The following MFSD6 variants were observed in gnomAD, a reference collection of about 807,000 sequenced individuals.
MFSD6 encodes the protein major facilitator superfamily domain containing 6, also known as major facilitator superfamily domain-containing protein 6.
Under a neutral mutation model 56.3 loss-of-function variants are expected in MFSD6, and 26 were observed. The observed-to-expected ratio is 0.46, with a 90% CI of 0.34 to 0.64. MFSD6 has a LOEUF of 0.64. Ranked by LOEUF, MFSD6 falls within the 30% of genes least tolerant of loss-of-function variation. The pLI is 0.01. For synonymous variants in MFSD6, 331 were observed against 366.9 expected, an observed-to-expected ratio of 0.90 and a Z score of 1.12; for missense variants, 750 against 986.2, an observed-to-expected ratio of 0.76 and a Z score of 3.21.
chr2:190,432,981 A>G (rs1686059066), intron 2 of MFSD6, among the ~76,000 whole-genome samples: 1 of 152,178 alleles, frequency 6.6e-6, no homozygotes, highest in South Asian at 2.1e-4. Context: ...TTTCCCTATA[A>G]TCAACCAAGG....
Position 190,454,932 on chromosome 2 carries a change from GTATGTATATGTA to G in MFSD6, c.1533-14769_1533-14758del, listed in dbSNP as rs56676240. Among the ~76,000 whole-genome samples, 18,655 of 132,760 alleles carry G rather than the reference GTATGTATATGTA, an allele frequency of 0.14. 1,447 individuals are homozygous for G. The highest frequency in any genetic ancestry group is 0.16 in the Non-Finnish European group (10,457 of 64,108). The allele number at this position is 132,760 out of a possible 152,430, so 87.1% of individuals were successfully genotyped here. ...GTATGTATATGTGTTCCTGGTTTCT[GTATGTATATGTA>G]TATGTATATGTATATGTATATGTAT... is the stretch of plus-strand genomic sequence containing the variant. On this transcript the variant is annotated intron_variant, in intron 3 of 7. Coordinates refer to ENST00000392328, the MANE Select transcript of MFSD6 (RefSeq NM_017694.4). This position sits in a 1 kb window ranked among gnomAD's most constrained non-coding sequence, Gnocchi z 4.6.
intron 4 of MFSD6, among the ~76,000 whole-genome samples, chr2:190,472,949 A>G (rs1688037859): frequency 6.6e-6 from 1 of 152,262 alleles, no homozygotes; most frequent in Non-Finnish European, 1.5e-5. Flanking sequence ...CTTAAAGGAA[A>G]GAATTTTCAA....
rs1474772111 is a variant in MFSD6 at position 190,415,955 on chromosome 2, T to G, written c.-54+542T>G. Among the ~76,000 whole-genome samples, 1 of 152,224 alleles carries G rather than the reference T, an allele frequency of 6.6e-6. No homozygotes were observed. The highest frequency in any genetic ancestry group is 1.5e-5 in the Non-Finnish European group (1 of 68,034). On this transcript the variant is annotated intron_variant, in intron 2 of 7. Transcript: ENST00000392328. The surrounding 1 kb of genome is among the most constrained non-coding windows in gnomAD (Gnocchi z 4.5). Reference sequence around the variant, plus strand: ...TCTTAACTTCCTCAGTGTCTAATAGTGTTAGAATAGCTCTGTAATGTGAAC... The same window carrying G: ...TCTTAACTTCCTCAGTGTCTAATAGGGTTAGAATAGCTCTGTAATGTGAAC...
In MFSD6 at chr2:190,425,152, T is replaced by C. The variant is rs1685747929; in HGVS notation, c.-54+9739T>C. ...ATTTTGGTGTCCATGTGTTCATTGC[T>C]AGTATACAGAAATACAATTAATTAT... On this transcript the variant is annotated intron_variant, in intron 2 of 7. Coordinates refer to ENST00000392328, the MANE Select transcript of MFSD6 (RefSeq NM_017694.4). This position sits in a 1 kb window ranked among gnomAD's most constrained non-coding sequence, Gnocchi z 4.3. 6.6e-6 allele frequency among the ~76,000 whole-genome samples: 1 copy of C among 152,232 alleles called. No individual in the cohort carries two copies. Among genetic ancestry groups the C allele is most frequent in the Non-Finnish European group, 1.5e-5 (1 of 68,040 alleles).
rs375678090 is a variant in MFSD6 at position 190,426,414 on chromosome 2, TTC to T, written c.-53-9561_-53-9560del. On this transcript the variant is annotated intron_variant, in intron 2 of 7. Transcript: ENST00000392328. The surrounding 1 kb of genome is among the most constrained non-coding windows in gnomAD (Gnocchi z 4.7). ...TTTCTTCCATTTCTTTGCTGAGACT[TTC>T]TGTTTTTTTTGTTTTGTTTCAAGCA... Among the ~76,000 whole-genome samples the T allele has an allele frequency of 5.9e-5, 9 of 152,194 alleles. No individual in the cohort carries two copies. Among genetic ancestry groups the T allele is most frequent in the East Asian group, 1.9e-4 (1 of 5,206 alleles).
chr2:190,449,794 C>T (rs1686709458), intron 3 of MFSD6, among the ~76,000 whole-genome samples: 1 of 151,770 alleles, frequency 6.6e-6, no homozygotes, highest in African/African-American at 2.4e-5. Context: ...TATTCTCACT[C>T]ATAGGTGGGA....
At position 190,497,225 on chromosome 2, in the gene MFSD6, T is replaced by C. The variant is rs1233164066; in HGVS notation, c.1892-214T>C. Among the ~76,000 whole-genome samples the C allele has an allele frequency of 2.6e-5, 4 of 152,136 alleles. No individual in the cohort carries two copies. The highest frequency in any genetic ancestry group is 5.9e-5 in the Non-Finnish European group (4 of 68,024). ...TCTTAAATATATATGCTAATGTCTATTAAGGCCTATAAAGAGACCCAAAGA... is the reference window on the plus strand; with the variant it reads ...TCTTAAATATATATGCTAATGTCTACTAAGGCCTATAAAGAGACCCAAAGA... On this transcript the variant is annotated intron_variant, in intron 6 of 7. Coordinates refer to ENST00000392328, the MANE Select transcript of MFSD6 (RefSeq NM_017694.4). This position sits in a 1 kb window ranked among gnomAD's most constrained non-coding sequence, Gnocchi z 5.2.
rs1690902534 is a variant in MFSD6, at chr2:190,418,956, C to G, written c.-54+3543C>G. Among the ~76,000 whole-genome samples, 1 of 152,206 alleles carries G rather than the reference C, an allele frequency of 6.6e-6. No homozygotes were observed. Among genetic ancestry groups the G allele is most frequent in the Non-Finnish European group, 1.5e-5 (1 of 68,038 alleles). ...GGACTGAGACCAGTTTTGTTTCTTT[C>G]ATCATTTGGCTTTGCCATAAAGGAA... On this transcript the variant is annotated intron_variant, in intron 2 of 7. Coordinates refer to ENST00000392328, the MANE Select transcript of MFSD6 (RefSeq NM_017694.4). This position sits in a 1 kb window ranked among gnomAD's most constrained non-coding sequence, Gnocchi z 4.1.
At position 190,438,702 on chromosome 2, in the gene MFSD6, C is replaced by T. The variant is rs545999277; in HGVS notation, c.1532+1141C>T. ...TGTCTGTTCCTAAAATGTGAAGTTG[C>T]TGTAACTAAAAGCAACCGTATGTGT... is the stretch of plus-strand genomic sequence containing the variant. On this transcript the variant is annotated intron_variant, in intron 3 of 7. Coordinates refer to ENST00000392328, the MANE Select transcript of MFSD6 (RefSeq NM_017694.4). This position sits in a 1 kb window ranked among gnomAD's most constrained non-coding sequence, Gnocchi z 5.2. 3.9e-5 allele frequency among the ~76,000 whole-genome samples: 6 copies of T among 152,282 alleles called. No individual in the cohort carries two copies. In the South Asian group the frequency reaches 1.2e-3, roughly 32 times the overall value.
rs542340225 is a variant in MFSD6 at position 190,477,092 on chromosome 2, A to C, written c.1630+7237A>C. ...GGGGGGAGGGATAGCATTAGGAGAT[A>C]TACCTAATGTTAAATGACGAGTTAA... On this transcript the variant is annotated intron_variant, in intron 4 of 7. Transcript: ENST00000392328. 35 of 165,376 alleles carry C rather than the reference A, an allele frequency of 2.1e-4. 1 individual carries two copies. In the South Asian group the frequency reaches 3.1e-3, roughly 14 times the overall value. 10.2% of individuals were successfully genotyped at this position (165,376 alleles called of 1,614,324 possible). A position where few individuals can be genotyped will look rare whatever the true frequency, so the allele number is the denominator to read the frequency against.
Position 190,481,800 on chromosome 2 carries a change from A to G in MFSD6, c.1631-6857A>G, listed in dbSNP as rs570549777. 4.6e-5 allele frequency among the ~76,000 whole-genome samples: 7 copies of G among 152,238 alleles called. No homozygotes were observed. In the East Asian group the frequency reaches 1.2e-3, roughly 25 times the overall value. On this transcript the variant is annotated intron_variant, in intron 4 of 7. Transcript: ENST00000392328. ...ACAAATTGTTGCATGTCTTATATAA[A>G]CTTTCTTTCGTGCAGCACACAGAAG...
intron 4 of MFSD6, among the ~76,000 whole-genome samples, chr2:190,478,517 C>T (rs976887049): frequency 2.0e-5 from 3 of 152,180 alleles, no homozygotes; most frequent in Admixed American, 6.5e-5. Flanking sequence ...AGTTTGGATT[C>T]GTCTGCCTTT....
In MFSD6 at chr2:190,500,149, C is replaced by A. The variant is rs753442045; in HGVS notation, c.2307C>A (p.His769Gln). The A allele has an allele frequency of 1.9e-6, 3 of 1,614,044 alleles. No homozygotes were observed. The highest frequency in any genetic ancestry group is 3.3e-5 in the Admixed American group (2 of 60,000). Residue 769 changes from histidine (H) to glutamine (Q), a missense_variant, in exon 8 of 8, where the codon CAC becomes CAA. By Grantham distance (24) the His-to-Gln change is conservative. Transcript: ENST00000392328. The surrounding 1 kb of genome is among the most constrained non-coding windows in gnomAD (Gnocchi z 5.3). ...AASQTQTSPA[H>Q]PSVDPCTEES... ...CTCAGACGCAGACCAGCCCCGCTCACCCCAGTGTGGACCCGTGCACAGAGG... is the reference window on the plus strand; with the variant it reads ...CTCAGACGCAGACCAGCCCCGCTCAACCCAGTGTGGACCCGTGCACAGAGG...
Position 190,498,923 on chromosome 2 carries a change from G to A in MFSD6, c.2173-1092G>A, listed in dbSNP as rs1574273739. Reference sequence around the variant, plus strand: ...CAAGCACTTTGGGAGGCCGAGGTGGGTGGATCACGAGGTCAGGAGTTCAAG... The same window carrying A: ...CAAGCACTTTGGGAGGCCGAGGTGGATGGATCACGAGGTCAGGAGTTCAAG... On this transcript the variant is annotated intron_variant, in intron 7 of 7. Coordinates refer to ENST00000392328, the MANE Select transcript of MFSD6 (RefSeq NM_017694.4). The surrounding 1 kb of genome is among the most constrained non-coding windows in gnomAD (Gnocchi z 5.9). Among the ~76,000 whole-genome samples the A allele has an allele frequency of 6.6e-6, 1 of 152,140 alleles. No individual in the cohort carries two copies. The highest frequency in any genetic ancestry group is 1.5e-5 in the Non-Finnish European group (1 of 68,024).
rs1223182146 is a variant in MFSD6 at position 190,469,550 on chromosome 2, T to A, written c.1533-208T>A. Reference sequence around the variant, plus strand: ...GAGGGCAGATATGTTAGAAGCCATCTTCTTATTCCTAAATTCATGCTTAAA... The same window carrying A: ...GAGGGCAGATATGTTAGAAGCCATCATCTTATTCCTAAATTCATGCTTAAA... On this transcript the variant is annotated intron_variant, in intron 3 of 7. Transcript: ENST00000392328. This position sits in a 1 kb window ranked among gnomAD's most constrained non-coding sequence, Gnocchi z 5.3. 7.5e-6 allele frequency: 2 copies of A among 266,526 alleles called. No homozygotes were observed. Among genetic ancestry groups the A allele is most frequent in the Non-Finnish European group, 1.4e-5 (2 of 145,884 alleles). 16.5% of individuals were successfully genotyped at this position (266,526 alleles called of 1,614,324 possible).
rs1347335225 is a variant in MFSD6, at chr2:190,494,985, G to A, written c.1892-2454G>A. ...CACCACTTCTATTCAACATAGTACT[G>A]GAAGTCCTAGCCAGAGCAGTCAGAC... On this transcript the variant is annotated intron_variant, in intron 6 of 7. Coordinates refer to ENST00000392328, the MANE Select transcript of MFSD6 (RefSeq NM_017694.4). The surrounding 1 kb of genome is among the most constrained non-coding windows in gnomAD (Gnocchi z 5.7). 1.3e-5 allele frequency among the ~76,000 whole-genome samples: 2 copies of A among 152,144 alleles called. No homozygotes were observed. The highest frequency in any genetic ancestry group is 2.9e-5 in the Non-Finnish European group (2 of 68,016).
In MFSD6 at chr2:190,498,710, G is replaced by T. The variant is rs148619386; in HGVS notation, c.2172+991G>T. Among the ~76,000 whole-genome samples the T allele has an allele frequency of 1.8e-3, 272 of 152,298 alleles. 3 individuals carry two copies. The highest frequency in any genetic ancestry group is 6.0e-3 in the African/African-American group (249 of 41,552). On this transcript the variant is annotated intron_variant, in intron 7 of 7. Transcript: ENST00000392328. The surrounding 1 kb of genome is among the most constrained non-coding windows in gnomAD (Gnocchi z 5.9). Reference sequence around the variant, plus strand: ...GGAGGATTTTAATACCTTAAAGCAAGAAGACTAAACAGGAGAAAGGATGAT... The same window carrying T: ...GGAGGATTTTAATACCTTAAAGCAATAAGACTAAACAGGAGAAAGGATGAT...
At position 190,456,211 on chromosome 2, in the gene MFSD6, G is replaced by C. The variant is rs1687031890; in HGVS notation, c.1533-13547G>C. ...CCGCCTCAGCCTCCCAAAGTGCTAG[G>C]ATTACAGGTGTGAGCCACCATGCCT... On this transcript the variant is annotated intron_variant, in intron 3 of 7. Coordinates refer to ENST00000392328, the MANE Select transcript of MFSD6 (RefSeq NM_017694.4). This position sits in a 1 kb window ranked among gnomAD's most constrained non-coding sequence, Gnocchi z 5.4. Among the ~76,000 whole-genome samples, 1 of 152,090 alleles carries C rather than the reference G, an allele frequency of 6.6e-6. No homozygotes were observed. The highest frequency in any genetic ancestry group is 6.5e-5 in the Admixed American group (1 of 15,278).
rs369050834 is a variant in MFSD6 at position 190,500,168 on chromosome 2, A to G, written c.2326A>G (p.Thr776Ala). 2.5e-6 allele frequency: 4 copies of G among 1,614,154 alleles called. No homozygotes were observed. The highest frequency in any genetic ancestry group is 3.4e-6 in the Non-Finnish European group (4 of 1,180,032). ...SPAHPSVDPCTEESEEQQAQL... is the reference protein window; with the variant it reads ...SPAHPSVDPCAEESEEQQAQL... ...CGCTCACCCCAGTGTGGACCCGTGC[A>G]CAGAGGAGAGTGAAGAGCAGCAGGC... Residue 776 changes from threonine to alanine, a missense_variant, in exon 8 of 8, where the codon ACA becomes GCA. Thr to Ala is a moderately conservative substitution (Grantham distance 58, BLOSUM62 0). Coordinates refer to ENST00000392328, the MANE Select transcript of MFSD6 (RefSeq NM_017694.4). The surrounding 1 kb of genome is among the most constrained non-coding windows in gnomAD (Gnocchi z 5.3).
Sources: gnomAD v4.1 joint callset for allele counts (sites outside exome capture counted in the v4.1 genomes callset) on GRCh38, gnomAD v4.1.1 for gene constraint, Gnocchi (gnomAD v3.1) non-coding constraint, MANE v1.5 for transcripts, NCBI Gene and HGNC (gene_info 2026-07-23, HGNC 2026-07-21) for gene names.